The following IFT172 variants were observed in gnomAD, a reference collection of about 807,000 sequenced individuals.
The protein encoded by IFT172 is intraflagellar transport 172.
In IFT172, 164 loss-of-function variants were observed where a neutral mutation model predicts 248.9. That is an observed-to-expected ratio of 0.66 (90% CI 0.58 to 0.75). The LOEUF (loss-of-function observed/expected upper bound fraction) is 0.75, where lower values mean the gene tolerates loss of function less well. IFT172 is among the 30% of genes least tolerant of loss of function. The pLI is 0.00. For synonymous variants in IFT172, 729 were observed against 791.6 expected (o/e 0.92, Z 1.33); for missense variants, 1,950 against 2,192.4 (o/e 0.89, Z 2.21).
chr2:27,477,913 T>A (rs1668084174), intron 11 of IFT172, 82 bp downstream of exon 11: 1 of 1,544,530 alleles, frequency 6.5e-7, no homozygotes, highest in Admixed American at 1.7e-5. Context: ...CATGGAGAGC[T>A]TACCCCTAGG....
rs1251117147 is a variant in IFT172, at chr2:27,444,519, G to A, written c.5163C>T (p.Thr1721=). The change falls in exon 48 of 48, where the codon ACC becomes ACT. Residue 1721 remains threonine, a splice_region_variant and synonymous_variant. Coordinates refer to ENST00000260570, the MANE Select transcript of IFT172 (RefSeq NM_015662.3). ...NWNKFLMAIK[T]SHSPVCQDVL... ...CGTCCTGGCACACTGGGCTGTGGGA[G>A]GTCTGTGAGCAAATGGAAGAACATG... The A allele has an allele frequency of 6.2e-7, 1 of 1,612,878 alleles. No homozygotes were observed. Among genetic ancestry groups the A allele is most frequent in the African/African-American group, 1.3e-5 (1 of 74,886 alleles).
At position 27,478,112 on chromosome 2, in the gene IFT172, C is replaced by T. The variant is rs745469699; in HGVS notation, c.1050G>A (p.Lys350=). Residue 350 remains lysine, a synonymous_variant, in exon 11 of 48, where the codon AAG becomes AAA. Transcript: ENST00000260570. ...NLSSGTRVVL[K]SHYGYEVEEV... ...CTTCCACCTCATAGCCATAGTGTGA[C>T]TTGAGCACCACTCGGGTTCCTGATG... is the stretch of plus-strand genomic sequence containing the variant. 4 of 1,614,046 alleles carry T rather than the reference C, an allele frequency of 2.5e-6. No individual in the cohort carries two copies. In the Admixed American group the frequency reaches 6.7e-5, roughly 27 times the overall value.
intron 9 of IFT172, 145 bp downstream of exon 9, chr2:27,479,881 T>G: frequency 8.5e-7 from 1 of 1,183,010 alleles, no homozygotes; most frequent in South Asian, 1.7e-5. Context: ...TTCTCTTTCC[T>G]GCCTTTAATG....
At chr2:27,467,024 TG>T (rs1485342398) in intron 16 of IFT172, among the ~76,000 whole-genome samples, 3 of 152,036 alleles carry the variant, frequency 2.0e-5, no homozygotes, top group Admixed American at 6.6e-5. Context: ...TGTTTCATTT[TG>T]TTTTTGTTTT....
In IFT172 at chr2:27,449,992, A is replaced by T. The variant is rs769241426; in HGVS notation, c.4050+6T>A. On this transcript the variant is annotated splice_donor_region_variant and intron_variant, in intron 36 of 47. Transcript: ENST00000260570. ...TATTTCTGTTCCATCTCAGCATCCT[A>T]CTTACTGCACTGTGCTTTCCAATTC... 6.2e-7 allele frequency: 1 copy of T among 1,605,526 alleles called. No individual in the cohort carries two copies.
In IFT172 at chr2:27,459,774, T is replaced by C. The variant is rs1469264656; in HGVS notation, c.2577A>G (p.Ala859=). ...FPVEVVKLEE[A]WGDHLVQQKQ... is the part of the protein sequence containing the mutation. ...TCTGCTGCACCAGGTGGTCCCCCCA[T>C]GCCTCCTCTAGTTTCACCACCTCCA... The change falls in exon 24 of 48, where the codon GCA becomes GCG. Residue 859 remains alanine (A), a synonymous_variant. Transcript: ENST00000260570. 11 of 1,612,960 alleles carry C rather than the reference T, an allele frequency of 6.8e-6. No homozygotes were observed. Among genetic ancestry groups the C allele is most frequent in the Non-Finnish European group, 9.3e-6 (11 of 1,180,046 alleles).
intron 42 of IFT172, 113 bp downstream of exon 42, chr2:27,447,402 T>C: frequency 1.4e-6 from 2 of 1,419,050 alleles, no homozygotes; most frequent in Non-Finnish European, 1.9e-6. Flanking sequence ...GAAAGACAGG[T>C]GGGGAGATTC....
At chr2:27,477,456 C>T in intron 12 of IFT172, 103 bp downstream of exon 12, 1 of 1,215,264 alleles carries the variant, frequency 8.2e-7, no homozygotes, top group Non-Finnish European at 1.2e-6. Context: ...CTCCCTGTTT[C>T]TTTATCTGCT....
At chr2:27,455,951 C>T (rs1183927985) in intron 30 of IFT172, 13 of 263,614 alleles carry the variant, frequency 4.9e-5, no homozygotes, top group East Asian at 1.2e-4. Context: ...CAGTGGCTCA[C>T]GCCTGTAATC....
rs1665967346 is a variant in IFT172, at chr2:27,454,213, A to T, written c.3531-51T>A. On this transcript the variant is annotated intron_variant, in intron 32 of 47. Coordinates refer to ENST00000260570, the MANE Select transcript of IFT172 (RefSeq NM_015662.3). This position sits in a 1 kb window ranked among gnomAD's most constrained non-coding sequence, Gnocchi z 4.2. ...AGACTGAGTATAGGACTGAGGCCCC[A>T]ATAGTGGGAGACAAACAGCCATGTC... 6.2e-7 allele frequency: 1 copy of T among 1,602,038 alleles called. No homozygotes were observed. Among genetic ancestry groups the T allele is most frequent in the African/African-American group, 1.3e-5 (1 of 74,612 alleles).
chr2:27,465,237 T>C, intron 18 of IFT172, 174 bp downstream of exon 18: 1 of 626,592 alleles, frequency 1.6e-6, no homozygotes, highest in South Asian at 1.9e-5. Flanking sequence ...ACTCTTATAA[T>C]CTAGGATGGG....
intron 7 of IFT172, 58 bp from the exon 8 acceptor site, chr2:27,481,318 TCA>T: frequency 3.0e-6 from 4 of 1,330,520 alleles, no homozygotes; most frequent in Non-Finnish European, 3.2e-6. Context: ...GAGAAATTCC[TCA>T]CTCTCAACAC....
chr2:27,477,705 A>G (rs1240392184), intron 11 of IFT172, 93 bp from the exon 12 acceptor site: 2 of 959,700 alleles, frequency 2.1e-6, no homozygotes, highest in Admixed American at 3.4e-5. Flanking sequence ...GTGGAAAGAT[A>G]TATTTATGTA....
At chr2:27,472,485 T>C in intron 14 of IFT172, 123 bp from the exon 15 acceptor site, 1 of 699,980 alleles carries the variant, frequency 1.4e-6, no homozygotes, top group Admixed American at 2.8e-5. Flanking sequence ...GTAGAGGTTT[T>C]GTTTAACTAT....
chr2:27,466,088 A>G, intron 16 of IFT172: 1 of 596,738 alleles, frequency 1.7e-6, no homozygotes, highest in Non-Finnish European at 3.0e-6. Context: ...CTCCTATGAC[A>G]GCACCAACTC....
In IFT172 at chr2:27,470,952, C is replaced by T; in HGVS notation, c.1668G>A (p.Glu556=). ...LCVWYNIEAP[E]RVTMFTIRGD... Reference sequence around the variant, plus strand: ...CCCTAATAGTGAACATGGTGACTCTCTCAGGTGCCTCAATGTTGTACCATA... The same window carrying T: ...CCCTAATAGTGAACATGGTGACTCTTTCAGGTGCCTCAATGTTGTACCATA... The change falls in exon 16 of 48, where the codon GAG becomes GAA. Residue 556 remains glutamate, a synonymous_variant. Coordinates refer to ENST00000260570, the MANE Select transcript of IFT172 (RefSeq NM_015662.3). 6.2e-7 allele frequency: 1 copy of T among 1,608,864 alleles called. No homozygotes were observed. Among genetic ancestry groups the T allele is most frequent in the Admixed American group, 1.7e-5 (1 of 58,146 alleles).
chr2:27,445,573 T>G lies in IFT172; in HGVS notation c.4915-124A>C, dbSNP rs1346529638. The G allele has an allele frequency of 4.6e-6, 6 of 1,310,144 alleles. No homozygotes were observed. Among genetic ancestry groups the G allele is most frequent in the Non-Finnish European group, 6.3e-6 (6 of 954,896 alleles). 81.2% of individuals were successfully genotyped at this position (1,310,144 alleles called of 1,614,324 possible). A position where few individuals can be genotyped will look rare whatever the true frequency, so the allele number is the denominator to read the frequency against. ...TATACCAGCTTTTAGCCACGAATCC[T>G]CCTTGGATTGGGGGATGCAGTCACA... On this transcript the variant is annotated intron_variant, in intron 45 of 47. Coordinates refer to ENST00000260570, the MANE Select transcript of IFT172 (RefSeq NM_015662.3). This position sits in a 1 kb window ranked among gnomAD's most constrained non-coding sequence, Gnocchi z 4.4.
Position 27,457,943 on chromosome 2 carries a change from G to A in IFT172, c.3009C>T (p.Ala1003=). 2 of 1,614,172 alleles carry A rather than the reference G, an allele frequency of 1.2e-6. No homozygotes were observed. The highest frequency in any genetic ancestry group is 2.2e-5 in the East Asian group (1 of 44,872). The change falls in exon 28 of 48, where the codon GCC becomes GCT. Residue 1003 remains alanine (A), a synonymous_variant. Coordinates refer to ENST00000260570, the MANE Select transcript of IFT172 (RefSeq NM_015662.3). ...ACTTGTGCTTTTTGTACATGGTGAT[G>A]GCAAGATCAGGCTCTTGTACTGTCA... is the stretch of plus-strand genomic sequence containing the variant. ...LYVTVQEPDL[A]ITMYKKHKLY... is the part of the protein sequence containing the mutation.
chr2:27,459,933 G>A, intron 23 of IFT172, 104 bp from the exon 24 acceptor site: 1 of 1,487,014 alleles, frequency 6.7e-7, no homozygotes, highest in South Asian at 1.2e-5. Flanking sequence ...AGAAGGGGAG[G>A]AATGGAGGAC....
Sources: gnomAD v4.1 joint callset for allele counts (sites outside exome capture counted in the v4.1 genomes callset) on GRCh38, gnomAD v4.1.1 for gene constraint, Gnocchi (gnomAD v3.1) non-coding constraint, MANE v1.5 for transcripts, NCBI Gene and HGNC (gene_info 2026-07-23, HGNC 2026-07-21) for gene names.